Variants in SIPA1L1 observed in about 807,000 individuals in gnomAD.
SIPA1L1 encodes the protein signal-induced proliferation-associated 1-like protein 1.
SIPA1L1 carries 26 observed loss-of-function variants against 162.7 expected under a neutral mutation model. The ratio of observed to expected loss-of-function variants is 0.16; its 90% CI spans 0.12 to 0.22. SIPA1L1 has a LOEUF of 0.22. Among genes scored for constraint, SIPA1L1 ranks in the 10% least tolerant of loss-of-function variants. The pLI is 1.00. For missense variants in SIPA1L1, 1,874 were observed against 2,241.0 expected, an observed-to-expected ratio of 0.84 and a Z score of 3.31; for synonymous variants, 829 against 837.4, an observed-to-expected ratio of 0.99 and a Z score of 0.17.
chr14:71,405,405 C>A (rs1483430828), intron 2 of SIPA1L1, among the ~76,000 whole-genome samples: 1 of 152,174 alleles, frequency 6.6e-6, no homozygotes, highest in African/African-American at 2.4e-5. Flanking sequence ...CATGTAGGTC[C>A]TTATAGACCA....
At chr14:71,735,024 A>G (rs1161908508) in intron 21 of SIPA1L1, among the ~76,000 whole-genome samples, 1 of 152,226 alleles carries the variant, frequency 6.6e-6, no homozygotes, top group African/African-American at 2.4e-5. Context: ...AGAATGCTAC[A>G]GTGATGAGCA....
rs2034864839 is a variant in SIPA1L1 at position 71,588,388 on chromosome 14, G to A, written c.516G>A (p.Gln172=). ...SPRKALRRIR[Q]RSNSDITISE... Reference sequence around the variant, plus strand: ...GAAAAGCTCTTCGCAGAATACGCCAGCGAAGCAACAGTGATATCACCATAA... The same window carrying A: ...GAAAAGCTCTTCGCAGAATACGCCAACGAAGCAACAGTGATATCACCATAA... The change falls in exon 5 of 24, where the codon CAG becomes CAA. Residue 172 remains glutamine, a synonymous_variant. Transcript: ENST00000381232. The surrounding 1 kb of genome is among the most constrained non-coding windows in gnomAD (Gnocchi z 4.3). The A allele has an allele frequency of 6.2e-7, 1 of 1,614,048 alleles. No individual in the cohort carries two copies. Among genetic ancestry groups the A allele is most frequent in the African/African-American group, 1.3e-5 (1 of 75,056 alleles).
At chr14:71,475,345 T>C (rs1372551518) in intron 2 of SIPA1L1, among the ~76,000 whole-genome samples, 1 of 152,232 alleles carries the variant, frequency 6.6e-6, no homozygotes, top group East Asian at 1.9e-4. Flanking sequence ...AACCAGACTT[T>C]CCTTATGTTT....
chr14:71,467,881 T>C (rs748906356), intron 2 of SIPA1L1, among the ~76,000 whole-genome samples: 38 of 149,120 alleles, frequency 2.5e-4, no homozygotes, highest in Non-Finnish European at 5.0e-4. Context: ...AAAGAAAAAG[T>C]ATTGGCTTCT....
intron 14 of SIPA1L1, among the ~76,000 whole-genome samples, chr14:71,699,380 C>G (rs1426021377): frequency 6.6e-6 from 1 of 152,122 alleles, no homozygotes; most frequent in Non-Finnish European, 1.5e-5. Flanking sequence ...ATTAGTTTGT[C>G]CATTGTATAT....
In SIPA1L1 at chr14:71,341,806, G is replaced by C. The variant is rs181102938; in HGVS notation, c.-465+20625G>C. On this transcript the variant is annotated intron_variant, in intron 2 of 23. Transcript: ENST00000381232. ...TTGCTTAGAATAACGGCCTCCAGCT[G>C]TATCCATGTTGATGCACAGGACATG... Among the ~76,000 whole-genome samples, 907 of 152,282 alleles carry C rather than the reference G, an allele frequency of 6.0e-3. 2 individuals are homozygous for C. Among genetic ancestry groups the C allele is most frequent in the Non-Finnish European group, 9.3e-3 (630 of 68,008 alleles).
At chr14:71,440,467 A>C (rs1043077839) in intron 2 of SIPA1L1, among the ~76,000 whole-genome samples, 5 of 151,862 alleles carry the variant, frequency 3.3e-5, no homozygotes, top group Non-Finnish European at 5.9e-5. Flanking sequence ...AGTCTGGGCA[A>C]CATGGTGTTA....
chr14:71,542,410 T>G (rs948586656), intron 4 of SIPA1L1, among the ~76,000 whole-genome samples: 3 of 146,816 alleles, frequency 2.0e-5, no homozygotes, highest in Non-Finnish European at 4.5e-5. Flanking sequence ...TGCTGCTGCT[T>G]CTGCTTCTTC....
intron 12 of SIPA1L1, among the ~76,000 whole-genome samples, chr14:71,684,827 G>A (rs980422179): frequency 6.6e-6 from 1 of 150,996 alleles, no homozygotes; most frequent in Non-Finnish European, 1.5e-5. Flanking sequence ...GTGTGAAGCT[G>A]CTTGTATACC....
chr14:71,614,219 A>T (rs962124810), intron 5 of SIPA1L1, among the ~76,000 whole-genome samples: 16 of 134,554 alleles, frequency 1.2e-4, no homozygotes, highest in Non-Finnish European at 2.5e-4. Flanking sequence ...CGCTGTCTCC[A>T]AAAAAAAAAA....
In SIPA1L1 at chr14:71,661,328, A is replaced by G; in HGVS notation, c.2116A>G (p.Ile706Val). ...CTTGTAGCTCCTGAGGAAGCGGCAC[A>G]TTGGAAATGATATCGTAACAATTGT... ...NKQQLLRKRH[I>V]GNDIVTIVFQ... Residue 706 changes from isoleucine (I) to valine (V), a missense_variant, in exon 10 of 24, where the codon ATT becomes GTT. Physicochemically the swap from Ile to Val is conservative, Grantham distance 29. This residue lies in a region of SIPA1L1 where 243 missense variants were observed against 315.0 expected (regional missense o/e 0.77). Coordinates refer to ENST00000381232, the MANE Select transcript of SIPA1L1 (RefSeq NM_001386936.1). 1 of 1,613,712 alleles carries G rather than the reference A, an allele frequency of 6.2e-7. No individual in the cohort carries two copies. Among genetic ancestry groups the G allele is most frequent in the South Asian group, 1.1e-5 (1 of 91,046 alleles).
At chr14:71,459,050 CA>C (rs912902689) in intron 2 of SIPA1L1, among the ~76,000 whole-genome samples, 1 of 147,934 alleles carries the variant, frequency 6.8e-6, no homozygotes, top group Non-Finnish European at 1.5e-5. Context: ...CCAGCCTGGG[CA>C]ACAGAGAGAG....
chr14:71,506,530 G>T (rs1158422468), intron 2 of SIPA1L1, among the ~76,000 whole-genome samples: 1 of 151,928 alleles, frequency 6.6e-6, no homozygotes, highest in African/African-American at 2.4e-5. Context: ...TAGTAGAGAC[G>T]GGGTTTTACC....
At chr14:71,554,176 A>AT (rs533485109) in intron 4 of SIPA1L1, among the ~76,000 whole-genome samples, 17 of 151,498 alleles carry the variant, frequency 1.1e-4, no homozygotes, top group African/African-American at 3.1e-4. Context: ...AAGATACAGT[A>AT]TTTTTTTTTC....
intron 4 of SIPA1L1, among the ~76,000 whole-genome samples, chr14:71,535,115 G>C (rs2053778476): frequency 6.6e-6 from 1 of 152,118 alleles, no homozygotes; most frequent in African/African-American, 2.4e-5. Context: ...CTAATAATAG[G>C]TTCTCACAGA....
chr14:71,505,025 C>T (rs1191914194), intron 2 of SIPA1L1, among the ~76,000 whole-genome samples: 1 of 152,142 alleles, frequency 6.6e-6, no homozygotes, highest in Non-Finnish European at 1.5e-5. Context: ...TGTTATGTGG[C>T]CTCCAAGAGC....
At chr14:71,374,505 G>C (rs981894657) in intron 2 of SIPA1L1, among the ~76,000 whole-genome samples, 1 of 151,720 alleles carries the variant, frequency 6.6e-6, no homozygotes, top group African/African-American at 2.4e-5. Flanking sequence ...GAAACTGACA[G>C]TGTGGTATGA....
intron 4 of SIPA1L1, among the ~76,000 whole-genome samples, chr14:71,545,194 G>A (rs2055072030): frequency 1.3e-5 from 2 of 151,994 alleles, no homozygotes; most frequent in Non-Finnish European, 2.9e-5. Flanking sequence ...GTATATTATA[G>A]ATCCTTTGAA....
intron 4 of SIPA1L1, among the ~76,000 whole-genome samples, chr14:71,547,582 C>T (rs1343392606): frequency 6.6e-6 from 1 of 152,128 alleles, no homozygotes. Context: ...GCATGAGCCA[C>T]TGTGCCTGAC....
Sources: gnomAD v4.1 joint callset for allele counts (sites outside exome capture counted in the v4.1 genomes callset) on GRCh38, gnomAD v4.1.1 for gene constraint, gnomAD v4.1.1 regional missense constraint, Gnocchi (gnomAD v3.1) non-coding constraint, MANE v1.5 for transcripts, NCBI Gene and HGNC (gene_info 2026-07-23, HGNC 2026-07-21) for gene names.